The following DLG2 variants were observed in gnomAD, a reference collection of about 807,000 sequenced individuals.
DLG2 encodes the protein discs large MAGUK scaffold protein 2, also known as disks large homolog 2.
Under a neutral mutation model 132.5 loss-of-function variants are expected in DLG2, and 45 were observed. That is an observed-to-expected ratio of 0.34 (90% CI 0.27 to 0.44). DLG2 has a LOEUF of 0.44. Among genes scored for constraint, DLG2 ranks in the 20% least tolerant of loss-of-function variants. The pLI is 1.00. For synonymous variants in DLG2, 424 were observed against 419.6 expected (o/e 1.01, Z -0.13); for missense variants, 1,045 against 1,196.9 (o/e 0.87, Z 1.87).
At chr11:84,295,422 G>A (rs1487892143) in intron 7 of DLG2, among the ~76,000 whole-genome samples, 1 of 152,102 alleles carries the variant, frequency 6.6e-6, no homozygotes, top group Admixed American at 6.6e-5. Flanking sequence ...TATGCATCCA[G>A]GCTGCCACTT....
chr11:85,321,743 A>G (rs114438147), intron 3 of DLG2, among the ~76,000 whole-genome samples: 1,560 of 152,204 alleles, frequency 0.01, 12 homozygotes, highest in Non-Finnish European at 0.015. Flanking sequence ...AAAGATTCTG[A>G]TAAGTCAAGG....
chr11:85,453,256 T>C, intron 3 of DLG2: 1 of 342,492 alleles, frequency 2.9e-6, no homozygotes, highest in South Asian at 5.9e-5. Context: ...AACACTTGTG[T>C]CAATAATCTT....
At position 84,221,638 on chromosome 11, in the gene DLG2, T is replaced by C. The variant is rs778341616; in HGVS notation, c.573+29600A>G. Among the ~76,000 whole-genome samples the C allele has an allele frequency of 5.3e-5, 8 of 152,278 alleles. No homozygotes were observed. The South Asian group carries it at 1.4e-3, about 28-fold the overall frequency. ...ACAGCATTTTAAGAAAATTTTCTTA[T>C]CATGTCAGATCCTATTATCAAGAAG... On this transcript the variant is annotated intron_variant, in intron 8 of 27. Transcript: ENST00000376104.
At chr11:85,368,262 C>A (rs891820829) in intron 3 of DLG2, among the ~76,000 whole-genome samples, 12 of 152,114 alleles carry the variant, frequency 7.9e-5, no homozygotes, top group African/African-American at 2.9e-4. Flanking sequence ...TTCTTTAATT[C>A]AGCTAGAAAT....
At chr11:84,066,864 G>A (rs980151031) in intron 10 of DLG2, among the ~76,000 whole-genome samples, 4 of 152,232 alleles carry the variant, frequency 2.6e-5, no homozygotes, top group Admixed American at 6.5e-5. Context: ...ATTACCTTGC[G>A]CTTTACTGTT....
intron 9 of DLG2, among the ~76,000 whole-genome samples, chr11:84,122,709 T>C (rs1056084009): frequency 6.6e-6 from 1 of 152,212 alleles, no homozygotes; most frequent in Non-Finnish European, 1.5e-5. Context: ...AGTGCTTGAA[T>C]GTATTGCTTA....
At chr11:84,721,546 C>CAAA (rs5793137) in intron 6 of DLG2, among the ~76,000 whole-genome samples, 47 of 137,400 alleles carry the variant, frequency 3.4e-4, no homozygotes, top group African/African-American at 1.2e-3. Flanking sequence ...GCAGAAAGAC[C>CAAA]AAAAAAAAAA....
intron 21 of DLG2, among the ~76,000 whole-genome samples, chr11:83,494,795 C>A (rs1454566691): frequency 6.6e-6 from 1 of 151,878 alleles, no homozygotes; most frequent in Admixed American, 6.6e-5. Context: ...CCTGTACTAC[C>A]ATAAAGAAAA....
intron 7 of DLG2, among the ~76,000 whole-genome samples, chr11:84,407,346 A>G (rs1457837502): frequency 6.6e-6 from 1 of 151,836 alleles, no homozygotes; most frequent in African/African-American, 2.4e-5. Context: ...TGAGCATTAC[A>G]TGCTCCTGGG....
intron 6 of DLG2, among the ~76,000 whole-genome samples, chr11:85,096,668 T>C (rs2069852616): frequency 6.6e-6 from 1 of 151,920 alleles, no homozygotes; most frequent in South Asian, 2.1e-4. Context: ...TGGGACACAT[T>C]TTGGCGACCA....
intron 3 of DLG2, among the ~76,000 whole-genome samples, chr11:85,517,933 C>T (rs2094201256): frequency 6.6e-6 from 1 of 152,140 alleles, no homozygotes; most frequent in African/African-American, 2.4e-5. Context: ...GAGAGTTTCC[C>T]TGCACAAGTT....
intron 7 of DLG2, among the ~76,000 whole-genome samples, chr11:84,306,082 T>A (rs114341830): frequency 0.012 from 1,764 of 152,164 alleles, 38 homozygotes; most frequent in African/African-American, 0.041. Flanking sequence ...GGGACTAAGG[T>A]TAATGATAAT....
rs1314782297 is a variant in DLG2, at chr11:83,874,436, C to T, written c.1549G>A (p.Ala517Thr). The T allele has an allele frequency of 1.9e-6, 3 of 1,598,648 alleles. No individual in the cohort carries two copies. Among genetic ancestry groups the T allele is most frequent in the African/African-American group, 2.7e-5 (2 of 74,596 alleles). Reference protein sequence around the residue: ...TRQPSMTLQRAVSLEGEPRKV... With the variant: ...TRQPSMTLQRTVSLEGEPRKV... ...TTATCTTACCCTTCCAGGGAGACGG[C>T]CCGTTGGAGAGTCATTGAAGGCTGA... Residue 517 changes from alanine to threonine, a missense_variant, in exon 16 of 28, where the codon GCC (alanine) becomes ACC (threonine). Physicochemically the swap from Ala to Thr is moderately conservative, Grantham distance 58. This residue lies in a region of DLG2 where 261 missense variants were observed against 256.1 expected (regional missense o/e 1.02). Coordinates refer to ENST00000376104, the MANE Select transcript of DLG2 (RefSeq NM_001142699.3).
chr11:84,885,661 C>T lies in DLG2; in HGVS notation c.357+226000G>A, dbSNP rs995524956. On this transcript the variant is annotated intron_variant, in intron 6 of 27. Coordinates refer to ENST00000376104, the MANE Select transcript of DLG2 (RefSeq NM_001142699.3). The stretch of plus-strand genomic sequence containing the variant: ...CCTGCAAAATGGAGATTAAAATACC[C>T]ATCTCATAGGATAAATGTGTGTAGC... 7.9e-5 allele frequency among the ~76,000 whole-genome samples: 12 copies of T among 152,180 alleles called. 1 individual carries two copies. Among genetic ancestry groups the T allele is most frequent in the Admixed American group, 4.6e-4 (7 of 15,260 alleles).
intron 6 of DLG2, among the ~76,000 whole-genome samples, chr11:84,725,544 A>G (rs7482487): frequency 6.6e-6 from 1 of 152,164 alleles, no homozygotes. Flanking sequence ...TCTTTCTGCC[A>G]TCAATGAGTT....
At chr11:83,542,667 G>C (rs550711789) in intron 19 of DLG2, among the ~76,000 whole-genome samples, 1 of 152,166 alleles carries the variant, frequency 6.6e-6, no homozygotes, top group Non-Finnish European at 1.5e-5. Context: ...TGTATGAGTG[G>C]CAGCATGAGG....
chr11:83,797,864 T>G (rs1055942937), intron 17 of DLG2, among the ~76,000 whole-genome samples: 1 of 152,176 alleles, frequency 6.6e-6, no homozygotes, highest in African/African-American at 2.4e-5. Context: ...GATCTGGTGA[T>G]CCAGGGCATG....
At chr11:85,599,605 T>C (rs1203843888) in intron 2 of DLG2, among the ~76,000 whole-genome samples, 2 of 152,162 alleles carry the variant, frequency 1.3e-5, no homozygotes, top group Admixed American at 6.5e-5. Flanking sequence ...AGACAATATA[T>C]GCACAATCCC....
At chr11:84,669,857 TGGA>T (rs2099703832) in intron 6 of DLG2, among the ~76,000 whole-genome samples, 1 of 152,130 alleles carries the variant, frequency 6.6e-6, no homozygotes, top group Non-Finnish European at 1.5e-5. Flanking sequence ...AGAGAATTGG[TGGA>T]GGATTCTGAA....
Sources: gnomAD v4.1 joint callset for allele counts (sites outside exome capture counted in the v4.1 genomes callset) on GRCh38, gnomAD v4.1.1 for gene constraint, gnomAD v4.1.1 regional missense constraint, MANE v1.5 for transcripts, NCBI Gene and HGNC (gene_info 2026-07-23, HGNC 2026-07-21) for gene names.